The following CNTNAP5 variants were observed in gnomAD, a reference collection of about 807,000 sequenced individuals.
CNTNAP5 encodes the protein contactin-associated protein-like 5.
A neutral mutation model predicts 150.2 loss-of-function variants in CNTNAP5; 72 were observed. The observed-to-expected ratio is 0.48, with a 90% CI of 0.40 to 0.58. CNTNAP5 has a LOEUF of 0.58. Among genes scored for constraint, CNTNAP5 ranks in the 20% least tolerant of loss-of-function variants. CNTNAP5 has a pLI of 0.00. For missense variants in CNTNAP5, 1,636 were observed against 1,626.2 expected (o/e 1.01, Z -0.10); for synonymous variants, 672 against 619.8 (o/e 1.08, Z -1.25).
intron 5 of CNTNAP5, among the ~76,000 whole-genome samples, chr2:124,445,706 A>T (rs1315661280): frequency 6.6e-6 from 1 of 152,190 alleles, no homozygotes; most frequent in East Asian, 1.9e-4. Flanking sequence ...ACGGTTGAAC[A>T]GGCTGCTGCA....
rs1447019578 is a variant in CNTNAP5, at chr2:124,326,928, T to C, written c.381+84535T>C. On this transcript the variant is annotated intron_variant, in intron 3 of 23. Coordinates refer to ENST00000682447, the MANE Select transcript of CNTNAP5 (RefSeq NM_001367498.1). The stretch of plus-strand genomic sequence containing the variant: ...AGGTTACAGTGAGCCAAGATTGAGA[T>C]TGTACCACTGCACTACAGCCTGGGC... Among the ~76,000 whole-genome samples, 5 of 151,218 alleles carry C rather than the reference T, an allele frequency of 3.3e-5. No homozygotes were observed. The East Asian group carries it at 9.7e-4, about 29-fold the overall frequency.
intron 21 of CNTNAP5, among the ~76,000 whole-genome samples, chr2:124,872,791 C>G (rs964999159): frequency 6.6e-6 from 1 of 151,828 alleles, no homozygotes; most frequent in East Asian, 1.9e-4. Flanking sequence ...ATAATACCCT[C>G]TTGTTAAAAA....
At chr2:124,674,473 CCTCCCTCT>C (rs1205190498) in intron 13 of CNTNAP5, among the ~76,000 whole-genome samples, 5 of 143,012 alleles carry the variant, frequency 3.5e-5, no homozygotes, top group East Asian at 2.0e-4. Flanking sequence ...TCCCTCCCTC[CCTCCCTCT>C]CTCCCTCTCT....
chr2:124,025,347 C>G lies in CNTNAP5; in HGVS notation c.-304C>G. 1 of 336,242 alleles carries G rather than the reference C, an allele frequency of 3.0e-6. No homozygotes were observed. 20.8% of individuals were successfully genotyped at this position (336,242 alleles called of 1,614,324 possible). Reference sequence around the variant, plus strand: ...CTGTCCACCGAGCTCCGGCGCCTGTCGTTCTAATTGGGTTTGGATTTGCAC... The same window carrying G: ...CTGTCCACCGAGCTCCGGCGCCTGTGGTTCTAATTGGGTTTGGATTTGCAC... On this transcript the variant is annotated 5_prime_UTR_variant, in exon 1 of 24. Coordinates refer to ENST00000682447, the MANE Select transcript of CNTNAP5 (RefSeq NM_001367498.1).
At chr2:124,056,505 C>T (rs1428701208) in intron 1 of CNTNAP5, among the ~76,000 whole-genome samples, 1 of 152,056 alleles carries the variant, frequency 6.6e-6, no homozygotes, top group African/African-American at 2.4e-5. Flanking sequence ...AATTAGCCGG[C>T]TGTGGTGGTG....
chr2:124,722,757 A>G (rs1217097211), intron 13 of CNTNAP5, among the ~76,000 whole-genome samples: 2 of 152,198 alleles, frequency 1.3e-5, no homozygotes, highest in Non-Finnish European at 2.9e-5. Flanking sequence ...GTCCTCCAGG[A>G]CAGTGGCCGC....
In CNTNAP5 at chr2:124,599,663, G is replaced by A. The variant is rs536622770; in HGVS notation, c.1757-10138G>A. Among the ~76,000 whole-genome samples, 240 of 152,140 alleles carry A rather than the reference G, an allele frequency of 1.6e-3. 1 individual carries two copies. Among genetic ancestry groups the A allele is most frequent in the African/African-American group, 5.5e-3 (230 of 41,522 alleles). On this transcript the variant is annotated intron_variant, in intron 11 of 23. Transcript: ENST00000682447. ...CAGTGAGATGATTTGTTCTTTAAAA[G>A]GTTCATTTGAGAAACCATTTACTCT...
At chr2:124,836,729 C>T (rs572064191) in intron 19 of CNTNAP5, among the ~76,000 whole-genome samples, 2 of 152,012 alleles carry the variant, frequency 1.3e-5, no homozygotes, top group South Asian at 2.1e-4. Context: ...TAATATGCCC[C>T]GGGTTGTTTT....
rs148156922 is a variant in CNTNAP5, at chr2:124,813,087, GT to G, written c.3217+14774del. 7.6e-3 allele frequency among the ~76,000 whole-genome samples: 1,150 copies of G among 151,318 alleles called. 19 individuals are homozygous for G. The highest frequency in any genetic ancestry group is 0.027 in the African/African-American group (1,109 of 41,226). On this transcript the variant is annotated intron_variant, in intron 19 of 23. Transcript: ENST00000682447. ...TTTTGCTTTTTTTGTTTTTGTTTTT[GT>G]TTTTTTGTGATGGAGTCTTGCTCTG...
intron 13 of CNTNAP5, among the ~76,000 whole-genome samples, chr2:124,727,041 T>C (rs1223316585): frequency 1.3e-5 from 2 of 152,116 alleles, no homozygotes; most frequent in African/African-American, 4.8e-5. Flanking sequence ...TCCAGTTTTA[T>C]TTTTCTGCAT....
intron 11 of CNTNAP5, among the ~76,000 whole-genome samples, chr2:124,583,746 C>T (rs866700849): frequency 1.3e-5 from 2 of 152,152 alleles, no homozygotes; most frequent in African/African-American, 2.4e-5. Context: ...TGACTCATCT[C>T]ACCGGTGAGG....
chr2:124,847,503 C>G (rs886582707), intron 19 of CNTNAP5, among the ~76,000 whole-genome samples: 1 of 152,158 alleles, frequency 6.6e-6, no homozygotes, highest in East Asian at 1.9e-4. Flanking sequence ...ATCCAGGCAG[C>G]CAGAGACCAG....
chr2:124,314,271 A>G (rs765068181), intron 3 of CNTNAP5, among the ~76,000 whole-genome samples: 5 of 152,196 alleles, frequency 3.3e-5, no homozygotes, highest in Admixed American at 1.3e-4. Context: ...GTGTTTCACA[A>G]CCTGCAGTTT....
intron 13 of CNTNAP5, 32 bp downstream of exon 13, chr2:124,647,990 A>T (rs1328754871): frequency 1.5e-5 from 24 of 1,555,640 alleles, no homozygotes; most frequent in Non-Finnish European, 2.1e-5. Flanking sequence ...CCACAGTGGG[A>T]TAGATGGGAC....
intron 10 of CNTNAP5, among the ~76,000 whole-genome samples, chr2:124,551,191 C>A (rs531321211): frequency 1.1e-4 from 16 of 152,128 alleles, no homozygotes; most frequent in African/African-American, 3.9e-4. Context: ...CAAACTCATT[C>A]GATCATCTTT....
chr2:124,447,209 G>C (rs867227207), intron 6 of CNTNAP5, among the ~76,000 whole-genome samples: 1 of 150,018 alleles, frequency 6.7e-6, no homozygotes. Context: ...TTTTTCCTGC[G>C]TGTAGACTTT....
At chr2:124,741,829 TTCTC>T (rs1304597506) in intron 13 of CNTNAP5, among the ~76,000 whole-genome samples, 1 of 152,098 alleles carries the variant, frequency 6.6e-6, no homozygotes, top group Non-Finnish European at 1.5e-5. Flanking sequence ...CTCCTCCTTA[TTCTC>T]TCTCTTTCTT....
chr2:124,891,845 T>C (rs76489141), intron 21 of CNTNAP5, among the ~76,000 whole-genome samples: 1,791 of 152,250 alleles, frequency 0.012, 37 homozygotes, highest in African/African-American at 0.04. Context: ...CTAGCCTCCA[T>C]TGAGTTAATA....
intron 19 of CNTNAP5, among the ~76,000 whole-genome samples, chr2:124,818,357 CAAAAAT>C (rs1307892514): frequency 1.3e-5 from 2 of 151,924 alleles, no homozygotes; most frequent in Admixed American, 6.6e-5. Context: ...CCCGCCTTTA[CAAAAAT>C]AAAAATAAAA....
Sources: allele counts gnomAD v4.1 joint callset (sites outside exome capture counted in the v4.1 genomes callset), GRCh38; gene constraint gnomAD v4.1.1; transcripts MANE v1.5; gene names NCBI Gene and HGNC (gene_info 2026-07-23, HGNC 2026-07-21).